Variants in KDM4C observed in about 807,000 individuals in gnomAD.
KDM4C encodes lysine demethylase 4C.
In KDM4C, 81 loss-of-function variants were observed where a neutral mutation model predicts 129.3. That is an observed-to-expected ratio of 0.63 (90% confidence interval 0.52 to 0.75). The LOEUF (loss-of-function observed/expected upper bound fraction) is 0.75. Ranked by LOEUF, KDM4C falls within the 30% of genes least tolerant of loss-of-function variation. The pLI, the probability that KDM4C is intolerant of heterozygous loss-of-function variation, is 0.00. For missense variants in KDM4C, 1,457 were observed against 1,304.0 expected (o/e 1.12, Z -1.81); for synonymous variants, 573 against 456.1 (o/e 1.26, Z -3.26).
At chr9:7,060,434 G>T (rs1208280512) in intron 17 of KDM4C, among the ~76,000 whole-genome samples, 1 of 148,690 alleles carries the variant, frequency 6.7e-6, no homozygotes, top group African/African-American at 2.5e-5. Context: ...AATCAGGGAT[G>T]ACTTTTTAGC....
chr9:6,750,532 AC>A (rs1287118012), intron 1 of KDM4C, among the ~76,000 whole-genome samples: 1 of 152,170 alleles, frequency 6.6e-6, no homozygotes, highest in African/African-American at 2.4e-5. Flanking sequence ...TAGCCAAAAC[AC>A]CAAGTTCAGG....
intron 1 of KDM4C, among the ~76,000 whole-genome samples, chr9:6,773,893 CA>C (rs1232265320): frequency 6.6e-6 from 1 of 151,872 alleles, no homozygotes; most frequent in Non-Finnish European, 1.5e-5. Context: ...AATGCATAAC[CA>C]AACCCTAGGC....
At position 7,023,204 on chromosome 9, in the gene KDM4C, T is replaced by C. The variant is rs138437430; in HGVS notation, c.2259+7275T>C. Among the ~76,000 whole-genome samples the C allele has an allele frequency of 8.5e-3, 1,299 of 152,292 alleles. 20 individuals are homozygous for C. Among genetic ancestry groups the C allele is most frequent in the African/African-American group, 0.029 (1,204 of 41,564 alleles). On this transcript the variant is annotated intron_variant, in intron 15 of 21. Coordinates refer to ENST00000381309, the MANE Select transcript of KDM4C (RefSeq NM_015061.6). ...TCATCCTCTACTTTTTGGAAGAGTT[T>C]AAGTAGGATTGGTGTTCTTATTTAA...
chr9:7,152,438 T>C (rs1842810097), intron 19 of KDM4C, among the ~76,000 whole-genome samples: 1 of 152,246 alleles, frequency 6.6e-6, no homozygotes, highest in Admixed American at 6.5e-5. Context: ...TACAAAATTA[T>C]ATATGTCCAC....
rs77298626 is a variant in KDM4C, at chr9:6,962,632, A to G, written c.922-18293A>G. Among the ~76,000 whole-genome samples the G allele has an allele frequency of 3.5e-4, 53 of 152,282 alleles. No homozygotes were observed. In the East Asian group the frequency reaches 9.3e-3, roughly 27 times the overall value. ...CATGATAGATTCTGTAAAATAAGAT[A>G]CATTTCTTTGTTCCATTAGTAGAGA... On this transcript the variant is annotated intron_variant, in intron 8 of 21. Coordinates refer to ENST00000381309, the MANE Select transcript of KDM4C (RefSeq NM_015061.6).
intron 2 of KDM4C, among the ~76,000 whole-genome samples, chr9:6,802,868 A>C (rs1339898418): frequency 6.6e-6 from 1 of 152,230 alleles, no homozygotes; most frequent in Admixed American, 6.5e-5. Flanking sequence ...TGGCCTCCCA[A>C]AGTGCTGGGA....
chr9:6,734,503 A>T (rs1347014883), intron 1 of KDM4C: 1 of 170,380 alleles, frequency 5.9e-6, no homozygotes, highest in Non-Finnish European at 1.2e-5. Context: ...CATGTTGGCC[A>T]GGCTGGTCTC....
intron 8 of KDM4C, among the ~76,000 whole-genome samples, chr9:6,979,283 A>G (rs977874320): frequency 6.6e-6 from 1 of 152,190 alleles, no homozygotes; most frequent in Non-Finnish European, 1.5e-5. Context: ...TATGTAACCA[A>G]TAATAGAAAG....
intron 15 of KDM4C, among the ~76,000 whole-genome samples, chr9:7,027,978 C>G (rs963084475): frequency 6.6e-6 from 1 of 152,200 alleles, no homozygotes; most frequent in African/African-American, 2.4e-5. Flanking sequence ...TGGGACTCAC[C>G]CTTCGGGACA....
intron 5 of KDM4C, among the ~76,000 whole-genome samples, chr9:6,872,832 C>A (rs1361921394): frequency 1.3e-5 from 2 of 152,064 alleles, no homozygotes; most frequent in African/African-American, 4.8e-5. Context: ...CTTAAGGGTC[C>A]TATGATTTTT....
At chr9:6,820,644 G>C (rs558748681) in intron 4 of KDM4C, among the ~76,000 whole-genome samples, 28 of 151,594 alleles carry the variant, frequency 1.8e-4, no homozygotes, top group African/African-American at 6.1e-4. Context: ...GATCAGAATA[G>C]TCATCCTCGA....
intron 1 of KDM4C, among the ~76,000 whole-genome samples, chr9:6,732,587 C>G (rs185860025): frequency 3.3e-5 from 5 of 152,014 alleles, no homozygotes; most frequent in African/African-American, 1.2e-4. Flanking sequence ...GGAAGCCAGA[C>G]ATTGTTCATG....
intron 19 of KDM4C, among the ~76,000 whole-genome samples, chr9:7,163,215 C>G (rs1385963042): frequency 2.0e-5 from 3 of 152,066 alleles, no homozygotes; most frequent in Admixed American, 6.5e-5. Context: ...TATAGTGCCT[C>G]TCAGTCAAAA....
At chr9:7,049,060 T>G in intron 16 of KDM4C, 32 bp from the exon 17 acceptor site, 2 of 1,485,820 alleles carry the variant, frequency 1.3e-6, no homozygotes, top group Non-Finnish European at 1.9e-6. Context: ...TTAGGGAACT[T>G]TTGTTTATGT....
At chr9:6,817,117 G>C (rs760741529) in intron 4 of KDM4C, among the ~76,000 whole-genome samples, 25 of 151,606 alleles carry the variant, frequency 1.6e-4, no homozygotes, top group Non-Finnish European at 3.2e-4. Flanking sequence ...ATAACACGAG[G>C]GTTGGGATTT....
At chr9:6,894,954 A>G (rs1021930300) in intron 8 of KDM4C, among the ~76,000 whole-genome samples, 2 of 152,220 alleles carry the variant, frequency 1.3e-5, no homozygotes, top group African/African-American at 2.4e-5. Flanking sequence ...GTATGTGACT[A>G]TCTGTTTATT....
chr9:7,167,071 A>G (rs1844463860), intron 20 of KDM4C, among the ~76,000 whole-genome samples: 1 of 152,176 alleles, frequency 6.6e-6, no homozygotes, highest in Non-Finnish European at 1.5e-5. Context: ...GCGTTTTTTG[A>G]CCCTCAGAGT....
intron 8 of KDM4C, among the ~76,000 whole-genome samples, chr9:6,958,241 T>A (rs769080605): frequency 2.0e-5 from 3 of 152,110 alleles, no homozygotes; most frequent in Non-Finnish European, 4.4e-5. Flanking sequence ...TACAATAGTA[T>A]TTTTACTAGA....
chr9:6,834,593 A>G, intron 4 of KDM4C: 1 of 738,694 alleles, frequency 1.4e-6, no homozygotes. Flanking sequence ...GATGGTGGGC[A>G]TGGGTCGGAA....
Sources: allele counts gnomAD v4.1 joint callset (sites outside exome capture counted in the v4.1 genomes callset), GRCh38; gene constraint gnomAD v4.1.1; transcripts MANE v1.5; gene names NCBI Gene and HGNC (gene_info 2026-07-23, HGNC 2026-07-21).